Variants in PITPNA observed in about 807,000 individuals in gnomAD.
PITPNA encodes the protein phosphatidylinositol transfer protein alpha, also known as phosphatidylinositol transfer protein alpha isoform.
In PITPNA, 13 loss-of-function variants were observed where a neutral mutation model predicts 50.3. That is an observed-to-expected ratio of 0.26 (90% CI 0.17 to 0.41). The LOEUF (loss-of-function observed/expected upper bound fraction) is 0.41, where lower values mean the gene tolerates loss of function less well. Ranked by LOEUF, PITPNA falls within the 10% of genes least tolerant of loss-of-function variation. The pLI is 1.00. For missense variants in PITPNA, 207 were observed against 333.4 expected, an observed-to-expected ratio of 0.62 and a Z score of 2.95; for synonymous variants, 120 against 119.6, an observed-to-expected ratio of 1.00 and a Z score of -0.02.
rs563884923 is a variant in PITPNA, at chr17:1,554,441, G to GTT, written c.52-1293_52-1292insAA. Among the ~76,000 whole-genome samples, 1,147 of 133,094 alleles carry GTT rather than the reference G, an allele frequency of 8.6e-3. 20 individuals carry two copies. Among genetic ancestry groups the GTT allele is most frequent in the Middle Eastern group, 0.03 (6 of 200 alleles). 87.3% of individuals were successfully genotyped at this position (133,094 alleles called of 152,430 possible). A position where few individuals can be genotyped will look rare whatever the true frequency, so the allele number is the denominator to read the frequency against. On this transcript the variant is annotated intron_variant, in intron 2 of 11. Transcript: ENST00000313486. ...TTAGACAGAGATCGCACAGTGGTGC[G>GTT]ATCTCAGGTCACTGCAACCTCCGCC...
chr17:1,532,291 G>C (rs986787591), intron 10 of PITPNA, among the ~76,000 whole-genome samples: 1 of 152,082 alleles, frequency 6.6e-6, no homozygotes, highest in Non-Finnish European at 1.5e-5. Context: ...GTTTCACCAT[G>C]TTGGCCAAGT....
At chr17:1,550,679 C>G (rs2075703574) in intron 3 of PITPNA, among the ~76,000 whole-genome samples, 1 of 152,162 alleles carries the variant, frequency 6.6e-6, no homozygotes, top group African/African-American at 2.4e-5. Context: ...CAGGTGCACA[C>G]CACTATGCCT....
At chr17:1,553,196 C>T (rs371470447) in intron 2 of PITPNA, 47 bp from the exon 3 acceptor site, 42 of 1,601,538 alleles carry the variant, frequency 2.6e-5, no homozygotes, top group African/African-American at 4.0e-5. Flanking sequence ...CCCTTCTCAA[C>T]GGTTACACGT....
chr17:1,523,998 G>A (rs1962087215), intron 10 of PITPNA, among the ~76,000 whole-genome samples: 1 of 151,162 alleles, frequency 6.6e-6, no homozygotes. Context: ...GTATGACCTT[G>A]AGTAAGTTAC....
chr17:1,552,315 T>G (rs2075713714), intron 3 of PITPNA, among the ~76,000 whole-genome samples: 2 of 152,242 alleles, frequency 1.3e-5, no homozygotes, highest in South Asian at 4.1e-4. Context: ...TAAAACTAGC[T>G]TGGTTTGACT....
chr17:1,540,591 C>G (rs1468277038), intron 6 of PITPNA, among the ~76,000 whole-genome samples: 1 of 148,918 alleles, frequency 6.7e-6, no homozygotes, highest in Non-Finnish European at 1.5e-5. Flanking sequence ...CCTTTTTTTT[C>G]TCTTTTTTTT....
chr17:1,536,366 C>A (rs938339656), intron 7 of PITPNA, among the ~76,000 whole-genome samples: 38 of 150,574 alleles, frequency 2.5e-4, no homozygotes, highest in African/African-American at 8.3e-4. Context: ...CGGCTCACTG[C>A]AAGCTCCATC....
intron 10 of PITPNA, among the ~76,000 whole-genome samples, chr17:1,532,300 G>C (rs2075588233): frequency 6.6e-6 from 1 of 152,078 alleles, no homozygotes; most frequent in South Asian, 2.1e-4. Flanking sequence ...TGTTGGCCAA[G>C]TTGGTCTCAG....
chr17:1,551,177 TCTG>T (rs1009437321), intron 3 of PITPNA, among the ~76,000 whole-genome samples: 1 of 152,114 alleles, frequency 6.6e-6, no homozygotes, highest in Non-Finnish European at 1.5e-5. Context: ...GCAGGGGAGC[TCTG>T]CTTTCTGCTT....
At chr17:1,534,019 T>A in intron 10 of PITPNA, 80 bp downstream of exon 10, 1 of 1,540,398 alleles carries the variant, frequency 6.5e-7, no homozygotes, top group East Asian at 2.3e-5. Flanking sequence ...GATGGTGCTC[T>A]CGGTGAAGCG....
At chr17:1,536,618 G>A (rs112599288) in intron 7 of PITPNA, among the ~76,000 whole-genome samples, 14,092 of 151,316 alleles carry the variant, frequency 0.093, 803 homozygotes, top group Middle Eastern at 0.13. Context: ...TTTTGAGACA[G>A]CATCTCACTC....
At chr17:1,561,547 A>G in intron 1 of PITPNA, among the ~76,000 whole-genome samples, 1 of 151,860 alleles carries the variant, frequency 6.6e-6, no homozygotes, top group South Asian at 2.1e-4. Context: ...CTCTTTCCGG[A>G]CCAGCCTCGA....
At chr17:1,551,984 G>GGGTGACGGTGAGGAGACT (rs2075712180) in intron 3 of PITPNA, among the ~76,000 whole-genome samples, 1 of 151,962 alleles carries the variant, frequency 6.6e-6, no homozygotes, top group African/African-American at 2.4e-5. Context: ...CGAGGAGACT[G>GGGTGACGGTGAGGAGACT]GGTGATGGTG....
chr17:1,562,420 C>G lies in PITPNA; in HGVS notation c.20+121G>C. 1.3e-6 allele frequency: 1 copy of G among 782,028 alleles called. No individual in the cohort carries two copies. Among genetic ancestry groups the G allele is most frequent in the Non-Finnish European group, 1.8e-6 (1 of 553,300 alleles). 48.4% of individuals were successfully genotyped at this position (782,028 alleles called of 1,614,324 possible). The stretch of plus-strand genomic sequence containing the variant: ...CCATCCCCGCTGGGCCCGCCTCAGG[C>G]ACCCTCCGTCCCTGCTGCCCCTCCG... On this transcript the variant is annotated intron_variant, in intron 1 of 11. Transcript: ENST00000313486. This position sits in a 1 kb window ranked among gnomAD's most constrained non-coding sequence, Gnocchi z 6.4.
intron 5 of PITPNA, among the ~76,000 whole-genome samples, chr17:1,542,433 C>T (rs1056571543): frequency 6.6e-6 from 1 of 152,156 alleles, no homozygotes; most frequent in Admixed American, 6.5e-5. Context: ...CTAATTATTG[C>T]CTCCCTCCCT....
At chr17:1,561,047 CTGTT>C (rs1314619950) in intron 1 of PITPNA, among the ~76,000 whole-genome samples, 3 of 152,216 alleles carry the variant, frequency 2.0e-5, no homozygotes, top group East Asian at 3.8e-4. Context: ...AAGTTGCTCT[CTGTT>C]TGACCATCTC....
At position 1,557,212 on chromosome 17, in the gene PITPNA, G is replaced by A. The variant is rs560130721; in HGVS notation, c.51+1317C>T. ...CTGGCCCCCTCCCCAGGTCCCCACAGCTCTTATCAGATATGTAGCCCACCC... is the reference window on the plus strand; with the variant it reads ...CTGGCCCCCTCCCCAGGTCCCCACAACTCTTATCAGATATGTAGCCCACCC... On this transcript the variant is annotated intron_variant, in intron 2 of 11. Transcript: ENST00000313486. Among the ~76,000 whole-genome samples the A allele has an allele frequency of 5.9e-5, 9 of 152,098 alleles. No individual in the cohort carries two copies. The East Asian group carries it at 9.7e-4, about 16-fold the overall frequency.
intron 1 of PITPNA, 121 bp from the exon 2 acceptor site, chr17:1,558,680 G>T: frequency 1.4e-6 from 1 of 699,226 alleles, no homozygotes; most frequent in Non-Finnish European, 2.5e-6. Flanking sequence ...ATTCAGTGAC[G>T]AAAACCCCAC....
chr17:1,545,223 G>A (rs2075666890), intron 4 of PITPNA, among the ~76,000 whole-genome samples: 1 of 152,166 alleles, frequency 6.6e-6, no homozygotes, highest in Non-Finnish European at 1.5e-5. Context: ...AACAGCAAGA[G>A]CTGATCATTA....
Sources: gnomAD v4.1 joint callset for allele counts (sites outside exome capture counted in the v4.1 genomes callset) on GRCh38, gnomAD v4.1.1 for gene constraint, Gnocchi (gnomAD v3.1) non-coding constraint, MANE v1.5 for transcripts, NCBI Gene and HGNC (gene_info 2026-07-23, HGNC 2026-07-21) for gene names.